Variants in IL20RA observed in about 807,000 individuals in gnomAD.
IL20RA encodes interleukin 20 receptor subunit alpha.
IL20RA carries 29 observed loss-of-function variants against 36.5 expected under a neutral mutation model. The observed-to-expected ratio is 0.79, with a 90% CI of 0.59 to 1.08. The LOEUF (loss-of-function observed/expected upper bound fraction) is 1.08. IL20RA is among the 50% of genes least tolerant of loss of function. IL20RA has a pLI of 0.00. For missense variants in IL20RA, 652 were observed against 668.4 expected (o/e 0.98, Z 0.27); for synonymous variants, 279 against 267.1 (o/e 1.04, Z -0.43).
chr6:137,025,566 G>C (rs1433492775), intron 1 of IL20RA, among the ~76,000 whole-genome samples: 1 of 152,172 alleles, frequency 6.6e-6, no homozygotes, highest in African/African-American at 2.4e-5. Context: ...AGCACCAAAG[G>C]AAAAAGTTCT....
chr6:137,027,458 T>C (rs150308639), intron 1 of IL20RA, among the ~76,000 whole-genome samples: 10 of 152,336 alleles, frequency 6.6e-5, no homozygotes, highest in Admixed American at 1.3e-4. Context: ...AGTAATTGTT[T>C]ATGTGAGTAG....
chr6:137,009,113 C>T (rs980306282), intron 4 of IL20RA: 7 of 619,254 alleles, frequency 1.1e-5, no homozygotes, highest in African/African-American at 3.7e-5. Flanking sequence ...AACACCATAT[C>T]CTGTCAACAG....
chr6:137,038,431 A>C (rs1350318019), intron 1 of IL20RA, among the ~76,000 whole-genome samples: 1 of 151,578 alleles, frequency 6.6e-6, no homozygotes, highest in Non-Finnish European at 1.5e-5. Context: ...TCCTGGCCTC[A>C]AGTGACCCTT....
intron 6 of IL20RA, 42 bp from the exon 7 acceptor site, chr6:137,002,397 G>C (rs749207981): frequency 1.5e-6 from 2 of 1,365,156 alleles, no homozygotes; most frequent in Admixed American, 2.2e-5. Context: ...TTTCACTTTA[G>C]AGAGACATTA....
At chr6:137,003,966 C>T (rs1214750614) in intron 6 of IL20RA, among the ~76,000 whole-genome samples, 1 of 152,046 alleles carries the variant, frequency 6.6e-6, no homozygotes, top group Non-Finnish European at 1.5e-5. Context: ...CCCAGAATTC[C>T]CAGCGCCTGC....
chr6:137,039,836 G>A (rs868427619), intron 1 of IL20RA, among the ~76,000 whole-genome samples: 2 of 152,142 alleles, frequency 1.3e-5, no homozygotes, highest in Middle Eastern at 3.2e-3. Flanking sequence ...GCTGCCAAAT[G>A]CCCCAAATGT....
chr6:137,034,786 A>T (rs186161748), intron 1 of IL20RA, among the ~76,000 whole-genome samples: 1,801 of 148,568 alleles, frequency 0.012, 17 homozygotes, highest in Non-Finnish European at 0.018. Context: ...TAAAAATATA[A>T]AAAAAAAAAT....
chr6:137,036,199 T>C (rs1776484913), intron 1 of IL20RA, among the ~76,000 whole-genome samples: 1 of 152,176 alleles, frequency 6.6e-6, no homozygotes, highest in Non-Finnish European at 1.5e-5. Context: ...CACAGACTCC[T>C]AAACATGTTG....
chr6:137,029,568 A>G lies in IL20RA; in HGVS notation c.89-12465T>C, dbSNP rs534158209. ...GAGTACCTAATGTTCTTCACATGTTATAATCTCCAAAACATCTCAATTGGT... is the reference window on the plus strand; with the variant it reads ...GAGTACCTAATGTTCTTCACATGTTGTAATCTCCAAAACATCTCAATTGGT... On this transcript the variant is annotated intron_variant, in intron 1 of 6. Coordinates refer to ENST00000316649, the MANE Select transcript of IL20RA (RefSeq NM_014432.4). Among the ~76,000 whole-genome samples, 314 of 152,352 alleles carry G rather than the reference A, an allele frequency of 2.1e-3. 1 individual carries two copies. Among genetic ancestry groups the G allele is most frequent in the African/African-American group, 7.4e-3 (309 of 41,598 alleles).
chr6:137,015,149 T>A (rs1412067732), intron 2 of IL20RA, among the ~76,000 whole-genome samples: 3 of 152,228 alleles, frequency 2.0e-5, no homozygotes, highest in African/African-American at 4.8e-5. Flanking sequence ...CCAGGATATG[T>A]CTTGCTATTG....
At chr6:137,022,676 G>A (rs1775944996) in intron 1 of IL20RA, among the ~76,000 whole-genome samples, 1 of 152,214 alleles carries the variant, frequency 6.6e-6, no homozygotes, top group Admixed American at 6.5e-5. Flanking sequence ...ACTTCAGAAT[G>A]TGACCTATTT....
intron 6 of IL20RA, among the ~76,000 whole-genome samples, chr6:137,003,199 C>T (rs1362828083): frequency 6.6e-6 from 1 of 152,172 alleles, no homozygotes; most frequent in Non-Finnish European, 1.5e-5. Flanking sequence ...GAAAAGGTCT[C>T]CCAATGCCAT....
chr6:137,001,860 G>T lies in IL20RA; in HGVS notation c.1360C>A (p.Leu454Ile). ...QTLQYSYTPQLQDLDPLAQEH... is the reference protein window; with the variant it reads ...QTLQYSYTPQIQDLDPLAQEH... ...TGCGCCAGGGGGTCTAAGTCTTGGA[G>T]CTGAGGGGTGTATGAGTACTGTAAC... The change falls in exon 7 of 7, where the codon CTC (leucine) becomes ATC (isoleucine). Residue 454 changes from leucine to isoleucine, a missense_variant. Transcript: ENST00000316649. 1 of 1,613,652 alleles carries T rather than the reference G, an allele frequency of 6.2e-7. No individual in the cohort carries two copies.
At chr6:137,042,860 G>A (rs1776750947) in intron 1 of IL20RA, 2 of 152,124 alleles carry the variant, frequency 1.3e-5, no homozygotes, top group Admixed American at 6.5e-5. Flanking sequence ...CTTCAATTAC[G>A]AGCAGGTAGT....
intron 2 of IL20RA, among the ~76,000 whole-genome samples, chr6:137,014,974 G>A (rs1405318931): frequency 1.3e-5 from 2 of 152,122 alleles, no homozygotes; most frequent in African/African-American, 2.4e-5. Flanking sequence ...CCAAACACCA[G>A]TCTACTGAAC....
intron 1 of IL20RA, among the ~76,000 whole-genome samples, chr6:137,033,732 A>G (rs1035235352): frequency 2.0e-5 from 3 of 152,178 alleles, no homozygotes; most frequent in African/African-American, 7.2e-5. Context: ...AATTAAACTT[A>G]TTTTCTTTAT....
intron 2 of IL20RA, among the ~76,000 whole-genome samples, chr6:137,016,750 A>G (rs1024079567): frequency 1.3e-5 from 2 of 152,166 alleles, no homozygotes; most frequent in African/African-American, 2.4e-5. Context: ...CTGTCTAAAT[A>G]ACCTTGCCTT....
In IL20RA at chr6:137,004,630, T is replaced by G; in HGVS notation, c.855A>C (p.Pro285=). The change falls in exon 6 of 7, where the codon CCA becomes CCC. Residue 285 remains proline (P), a synonymous_variant. Coordinates refer to ENST00000316649, the MANE Select transcript of IL20RA (RefSeq NM_014432.4). ...CACACCAAGTACTCACCAAATTTGC[T>G]GGGTGTTTCTCTTTGCCAACGTGGA... ...RYIHVGKEKH[P]ANLILIYGNE... 2 of 1,613,736 alleles carry G rather than the reference T, an allele frequency of 1.2e-6. No individual in the cohort carries two copies. Among genetic ancestry groups the G allele is most frequent in the Non-Finnish European group, 1.7e-6 (2 of 1,179,802 alleles).
chr6:137,012,616 T>C (rs1040653727), intron 2 of IL20RA, among the ~76,000 whole-genome samples: 3 of 152,096 alleles, frequency 2.0e-5, no homozygotes, highest in Non-Finnish European at 4.4e-5. Context: ...TGCTCATTGA[T>C]GGCACAAGCA....
Sources: allele counts gnomAD v4.1 joint callset (sites outside exome capture counted in the v4.1 genomes callset), GRCh38; gene constraint gnomAD v4.1.1; transcripts MANE v1.5; gene names NCBI Gene and HGNC (gene_info 2026-07-23, HGNC 2026-07-21).